SLC24A3: variants seen among roughly 807,000 people sequenced by gnomAD.
The protein encoded by SLC24A3 is solute carrier family 24 member 3, also known as sodium/potassium/calcium exchanger 3.
Under a neutral mutation model 75.8 loss-of-function variants are expected in SLC24A3, and 28 were observed. The ratio of observed to expected loss-of-function variants is 0.37; its 90% CI spans 0.27 to 0.51. The LOEUF (loss-of-function observed/expected upper bound fraction) is 0.51. Among genes scored for constraint, SLC24A3 ranks in the 20% least tolerant of loss-of-function variants. The pLI is 0.94. For synonymous variants in SLC24A3, 372 were observed against 334.1 expected (o/e 1.11, Z -1.24); for missense variants, 663 against 847.8 (o/e 0.78, Z 2.71).
chr20:19,677,289 G>GT (rs1439134326), intron 9 of SLC24A3, among the ~76,000 whole-genome samples: 1 of 119,208 alleles, frequency 8.4e-6, no homozygotes, highest in East Asian at 2.4e-4. Flanking sequence ...GCAAGACCCC[G>GT]TTCCAAAAAA....
chr20:19,470,084 CT>C (rs1379518816), intron 2 of SLC24A3, among the ~76,000 whole-genome samples: 1 of 152,192 alleles, frequency 6.6e-6, no homozygotes, highest in African/African-American at 2.4e-5. Context: ...TGAAGATGCC[CT>C]GCCACCTGTG....
At chr20:19,687,618 G>A (rs1470727018) in intron 12 of SLC24A3, among the ~76,000 whole-genome samples, 1 of 152,186 alleles carries the variant, frequency 6.6e-6, no homozygotes, top group Non-Finnish European at 1.5e-5. Context: ...AAGTGACCAA[G>A]TTCTATGTTA....
chr20:19,348,630 C>T (rs1001441928), intron 2 of SLC24A3, among the ~76,000 whole-genome samples: 14 of 152,164 alleles, frequency 9.2e-5, no homozygotes, highest in African/African-American at 3.4e-4. Flanking sequence ...GCAGGTCTAA[C>T]ATCATGTTGT....
At chr20:19,506,266 A>G (rs2122547780) in intron 2 of SLC24A3, among the ~76,000 whole-genome samples, 1 of 152,344 alleles carries the variant, frequency 6.6e-6, no homozygotes, top group Middle Eastern at 3.4e-3. Context: ...GATTGGCAAT[A>G]CCATTTTGAT....
intron 6 of SLC24A3, among the ~76,000 whole-genome samples, chr20:19,632,866 A>G (rs373906699): frequency 1.3e-5 from 2 of 152,388 alleles, no homozygotes; most frequent in African/African-American, 4.8e-5. Context: ...GGGCTGTTTG[A>G]ATTCAAGAAC....
At chr20:19,486,733 T>C (rs1600249387) in intron 2 of SLC24A3, among the ~76,000 whole-genome samples, 2 of 152,342 alleles carry the variant, frequency 1.3e-5, no homozygotes, top group Middle Eastern at 6.8e-3. Flanking sequence ...TTAGGGACTA[T>C]AAGTATCTAA....
chr20:19,624,706 A>G (rs2031846884), intron 6 of SLC24A3, among the ~76,000 whole-genome samples: 1 of 152,190 alleles, frequency 6.6e-6, no homozygotes, highest in Non-Finnish European at 1.5e-5. Flanking sequence ...AGGAAAAATT[A>G]TATAGTTACT....
Position 19,431,698 on chromosome 20 carries a change from T to C in SLC24A3, c.272-83790T>C, listed in dbSNP as rs115953907. 3.3e-3 allele frequency among the ~76,000 whole-genome samples: 496 copies of C among 149,898 alleles called. 3 individuals carry two copies. The highest frequency in any genetic ancestry group is 0.011 in the African/African-American group (441 of 40,174). ...TGAGTTGAAACAGAAAATCAACAAT[T>C]CACTCAAGAAATAGATTCACTTCAA... On this transcript the variant is annotated intron_variant, in intron 2 of 16. Transcript: ENST00000328041.
At chr20:19,517,593 T>C (rs1313379278) in intron 3 of SLC24A3, among the ~76,000 whole-genome samples, 1 of 152,192 alleles carries the variant, frequency 6.6e-6, no homozygotes, top group Non-Finnish European at 1.5e-5. Context: ...ATCACTGGAA[T>C]CCGATGCCAC....
At position 19,387,661 on chromosome 20, in the gene SLC24A3, A is replaced by G. The variant is rs534544560; in HGVS notation, c.271+106574A>G. Among the ~76,000 whole-genome samples, 7 of 152,200 alleles carry G rather than the reference A, an allele frequency of 4.6e-5. No individual in the cohort carries two copies. The East Asian group carries it at 1.4e-3, about 29-fold the overall frequency. On this transcript the variant is annotated intron_variant, in intron 2 of 16. Transcript: ENST00000328041. ...TTCCTGTTTTTGAATTTCTGGTTTCATACCATTGTGGTTGGAAAAGACACT... is the reference window on the plus strand; with the variant it reads ...TTCCTGTTTTTGAATTTCTGGTTTCGTACCATTGTGGTTGGAAAAGACACT...
chr20:19,483,865 C>A (rs916710202), intron 2 of SLC24A3, among the ~76,000 whole-genome samples: 2 of 152,150 alleles, frequency 1.3e-5, no homozygotes, highest in African/African-American at 4.8e-5. Flanking sequence ...CTGTGATGAG[C>A]TTGAGTATCC....
At chr20:19,656,418 G>T (rs973522885) in intron 7 of SLC24A3, among the ~76,000 whole-genome samples, 2 of 152,014 alleles carry the variant, frequency 1.3e-5, no homozygotes, top group Non-Finnish European at 2.9e-5. Context: ...CTTCTGTTAG[G>T]AGATTTAAGG....
At chr20:19,397,652 T>C (rs201303062) in intron 2 of SLC24A3, among the ~76,000 whole-genome samples, 1,500 of 97,002 alleles carry the variant, frequency 0.015, 16 homozygotes, top group African/African-American at 0.13. Flanking sequence ...CTTTTCTTTT[T>C]TTTTTTTTTT....
intron 2 of SLC24A3, among the ~76,000 whole-genome samples, chr20:19,482,768 G>T (rs558768242): frequency 2.6e-5 from 4 of 152,356 alleles, no homozygotes; most frequent in Admixed American, 6.5e-5. Flanking sequence ...CCCTTCTGCT[G>T]AGATTGTCCT....
At chr20:19,636,401 C>G (rs2032003415) in intron 6 of SLC24A3, among the ~76,000 whole-genome samples, 1 of 152,066 alleles carries the variant, frequency 6.6e-6, no homozygotes, top group African/African-American at 2.4e-5. Context: ...AATGGCTTTC[C>G]CAAGACAGTA....
intron 2 of SLC24A3, among the ~76,000 whole-genome samples, chr20:19,361,119 A>C (rs1472697206): frequency 6.6e-6 from 1 of 152,192 alleles, no homozygotes; most frequent in Non-Finnish European, 1.5e-5. Context: ...GAACCACTGC[A>C]CCCGGCCAGA....
chr20:19,619,944 A>T (rs1246209440), intron 6 of SLC24A3, among the ~76,000 whole-genome samples: 1 of 152,202 alleles, frequency 6.6e-6, no homozygotes, highest in East Asian at 1.9e-4. Flanking sequence ...GGGGATACCT[A>T]TGGTTTTAAG....
intron 2 of SLC24A3, among the ~76,000 whole-genome samples, chr20:19,285,494 A>AT (rs1983791267): frequency 1.3e-5 from 2 of 149,958 alleles, no homozygotes; most frequent in African/African-American, 4.9e-5. Context: ...AAAAAAAAAA[A>AT]AAAAAAAAGG....
chr20:19,702,570 A>G (rs1189871148), intron 15 of SLC24A3, among the ~76,000 whole-genome samples: 2 of 152,076 alleles, frequency 1.3e-5, no homozygotes, highest in African/African-American at 2.4e-5. Context: ...CTTTGGAGAA[A>G]GGTGTGTCAT....
Sources: allele counts gnomAD v4.1 joint callset (sites outside exome capture counted in the v4.1 genomes callset), GRCh38; gene constraint gnomAD v4.1.1; transcripts MANE v1.5; gene names NCBI Gene and HGNC (gene_info 2026-07-23, HGNC 2026-07-21).